FMNL2: variants seen among roughly 807,000 people sequenced by gnomAD.
FMNL2 encodes the protein formin like 2, also known as formin-like protein 2.
A neutral mutation model predicts 130.2 loss-of-function variants in FMNL2; 51 were observed. The ratio of observed to expected loss-of-function variants is 0.39; its 90% confidence interval spans 0.31 to 0.49. The LOEUF is 0.49. Among genes scored for constraint, FMNL2 ranks in the 20% least tolerant of loss-of-function variants. The pLI, the probability that FMNL2 is intolerant of heterozygous loss-of-function variation, is 0.85. For synonymous variants in FMNL2, 465 were observed against 467.1 expected (o/e 1.00, Z 0.06); for missense variants, 977 against 1,316.2 (o/e 0.74, Z 3.99).
At chr2:152,338,125 T>C (rs1681586143) in intron 1 of FMNL2, among the ~76,000 whole-genome samples, 1 of 151,860 alleles carries the variant, frequency 6.6e-6, no homozygotes, top group Admixed American at 6.6e-5. Context: ...TGGACATCAA[T>C]CTTGAAGGAC....
chr2:152,585,607 C>G (rs895681065), intron 9 of FMNL2, among the ~76,000 whole-genome samples: 2 of 152,176 alleles, frequency 1.3e-5, no homozygotes, highest in Admixed American at 1.3e-4. Flanking sequence ...TACTCTGGCT[C>G]TGCCTTTGAA....
chr2:152,603,459 A>G (rs1698201545), intron 9 of FMNL2, among the ~76,000 whole-genome samples: 1 of 136,044 alleles, frequency 7.4e-6, no homozygotes, highest in African/African-American at 2.6e-5. Context: ...ACATGTTCTC[A>G]GTAGGGATTT....
intron 6 of FMNL2, among the ~76,000 whole-genome samples, chr2:152,573,095 A>G (rs978196939): frequency 2.6e-5 from 4 of 152,242 alleles, no homozygotes; most frequent in African/African-American, 9.6e-5. Flanking sequence ...AAAATTTCCT[A>G]TTAAGTCAAA....
intron 2 of FMNL2, chr2:152,539,113 T>C (rs1444241264): frequency 6.6e-6 from 1 of 152,174 alleles, no homozygotes; most frequent in Non-Finnish European, 1.5e-5. Flanking sequence ...ATCAATGATA[T>C]AAGTACCTTT....
At chr2:152,514,344 A>G (rs919786043) in intron 1 of FMNL2, among the ~76,000 whole-genome samples, 3 of 152,178 alleles carry the variant, frequency 2.0e-5, no homozygotes, top group Admixed American at 1.3e-4. Context: ...TGATGTCCAC[A>G]TGAACTTGGT....
At chr2:152,373,762 G>A (rs375748504) in intron 1 of FMNL2, among the ~76,000 whole-genome samples, 3 of 151,094 alleles carry the variant, frequency 2.0e-5, no homozygotes, top group Non-Finnish European at 4.4e-5. Flanking sequence ...TGTTGAATCC[G>A]CAGATGTGGA....
chr2:152,519,559 G>A (rs185698497), intron 1 of FMNL2, among the ~76,000 whole-genome samples: 16 of 152,264 alleles, frequency 1.1e-4, no homozygotes, highest in African/African-American at 3.1e-4. Flanking sequence ...AGCTATTGCC[G>A]TTTTGCTCTC....
At chr2:152,395,888 G>A (rs1305771946) in intron 1 of FMNL2, among the ~76,000 whole-genome samples, 1 of 151,490 alleles carries the variant, frequency 6.6e-6, no homozygotes, top group Non-Finnish European at 1.5e-5. Context: ...TAGAGTGGTG[G>A]GGGTGGGTGG....
At chr2:152,359,898 G>T (rs1373274898) in intron 1 of FMNL2, among the ~76,000 whole-genome samples, 1 of 152,182 alleles carries the variant, frequency 6.6e-6, no homozygotes, top group Non-Finnish European at 1.5e-5. Flanking sequence ...TTAGCAAGTA[G>T]TTGAGGGATT....
chr2:152,411,945 C>T (rs746639737), intron 1 of FMNL2, among the ~76,000 whole-genome samples: 16 of 152,090 alleles, frequency 1.1e-4, no homozygotes, highest in Non-Finnish European at 2.1e-4. Context: ...CTTTTGTGAT[C>T]CAGGGAGGTG....
chr2:152,590,779 G>C (rs1428633606), intron 9 of FMNL2, among the ~76,000 whole-genome samples: 1 of 151,950 alleles, frequency 6.6e-6, no homozygotes, highest in Middle Eastern at 3.2e-3. Flanking sequence ...ATATATGTGT[G>C]TGTATAATAG....
intron 1 of FMNL2, among the ~76,000 whole-genome samples, chr2:152,367,145 G>A (rs1167397172): frequency 2.0e-5 from 3 of 148,476 alleles, no homozygotes; most frequent in African/African-American, 4.9e-5. Context: ...GTGTGATCCC[G>A]GCTCACTGCA....
At chr2:152,564,157 G>T (rs1695682611) in intron 6 of FMNL2, among the ~76,000 whole-genome samples, 1 of 73,756 alleles carries the variant, frequency 1.4e-5, no homozygotes, top group East Asian at 4.6e-4. Context: ...AATAGCACAG[G>T]TTGTTTTTTT....
At chr2:152,336,097 CAAAA>C (rs1483770148) in intron 1 of FMNL2, among the ~76,000 whole-genome samples, 1 of 126,276 alleles carries the variant, frequency 7.9e-6, no homozygotes, top group African/African-American at 3.4e-5. Flanking sequence ...TTAAAAAAAA[CAAAA>C]CAAAACAAAA....
At chr2:152,456,936 C>CA (rs59672196) in intron 1 of FMNL2, among the ~76,000 whole-genome samples, 4,818 of 96,546 alleles carry the variant, frequency 0.05, 107 homozygotes, top group Middle Eastern at 0.092. Context: ...GACTCCCTTT[C>CA]AAAAAAAAAA....
chr2:152,504,229 A>G (rs1692019934), intron 1 of FMNL2, among the ~76,000 whole-genome samples: 1 of 151,992 alleles, frequency 6.6e-6, no homozygotes. Flanking sequence ...GTCCTTTGCT[A>G]AGATGACTCC....
At chr2:152,558,858 T>C in intron 5 of FMNL2, 35 bp downstream of exon 5, 3 of 1,584,662 alleles carry the variant, frequency 1.9e-6, no homozygotes, top group Non-Finnish European at 2.6e-6. Flanking sequence ...ATTTGAATTT[T>C]ATGTGGTCAC....
At chr2:152,371,028 A>G (rs1251391936) in intron 1 of FMNL2, among the ~76,000 whole-genome samples, 1 of 152,192 alleles carries the variant, frequency 6.6e-6, no homozygotes, top group Non-Finnish European at 1.5e-5. Context: ...GCTGTTGCCT[A>G]ATGATATAAA....
chr2:152,341,097 C>T (rs952575514), intron 1 of FMNL2, among the ~76,000 whole-genome samples: 3 of 152,232 alleles, frequency 2.0e-5, no homozygotes, highest in African/African-American at 4.8e-5. Flanking sequence ...AGCAGATGGG[C>T]GGGTGGGAGT....
Sources: gnomAD v4.1 joint callset for allele counts (sites outside exome capture counted in the v4.1 genomes callset) on GRCh38, gnomAD v4.1.1 for gene constraint, MANE v1.5 for transcripts, NCBI Gene and HGNC (gene_info 2026-07-23, HGNC 2026-07-21) for gene names.